The following PTPN3 variants were observed in gnomAD, a reference collection of about 807,000 sequenced individuals.
PTPN3 encodes protein tyrosine phosphatase non-receptor type 3.
A neutral mutation model predicts 132.7 loss-of-function variants in PTPN3; 96 were observed. The ratio of observed to expected loss-of-function variants is 0.72; its 90% CI spans 0.61 to 0.86. The LOEUF is 0.86. Ranked by LOEUF, PTPN3 falls within the 40% of genes least tolerant of loss-of-function variation. PTPN3 has a pLI of 0.00. For missense variants in PTPN3, 1,125 were observed against 1,159.6 expected (o/e 0.97, Z 0.43); for synonymous variants, 398 against 429.0 (o/e 0.93, Z 0.89).
the PTPN3 span, among the ~76,000 whole-genome samples, chr9:109,523,415 A>G: frequency 0.53 from 80,740 of 152,046 alleles, 22,488 homozygotes; most frequent in East Asian, 0.85. Context: ...TGCCCAGCCT[A>G]TATCATTTTT....
chr9:109,467,222 C>T lies in PTPN3; in HGVS notation c.-17-3771G>A, dbSNP rs145834865. Among the ~76,000 whole-genome samples, 1,314 of 152,018 alleles carry T rather than the reference C, an allele frequency of 8.6e-3. 66 individuals are homozygous for T. Among genetic ancestry groups the T allele is most frequent in the Admixed American group, 0.076 (1,166 of 15,282 alleles). Reference sequence around the variant, plus strand: ...TTTAACCACATTGACTTTAAAATGTCAATTTTATTTTTTAGTTCTTGTCTA... The same window carrying T: ...TTTAACCACATTGACTTTAAAATGTTAATTTTATTTTTTAGTTCTTGTCTA... On this transcript the variant is annotated intron_variant, in intron 1 of 25. Transcript: ENST00000374541.
At chr9:109,479,906 T>C (rs371024284) in intron 1 of PTPN3, among the ~76,000 whole-genome samples, 169 of 152,284 alleles carry the variant, frequency 1.1e-3, no homozygotes, top group African/African-American at 3.9e-3. Flanking sequence ...AATCAGATTG[T>C]TTTCTACAGA....
chr9:109,441,734 T>C (rs996431973), intron 7 of PTPN3, among the ~76,000 whole-genome samples: 21 of 145,992 alleles, frequency 1.4e-4, no homozygotes, highest in Admixed American at 1.4e-3. Context: ...TTGGGTACTT[T>C]ACCTGAAGAT....
chr9:109,439,647 G>A (rs1180968717), intron 7 of PTPN3, among the ~76,000 whole-genome samples: 1 of 152,224 alleles, frequency 6.6e-6, no homozygotes, highest in East Asian at 1.9e-4. Context: ...GGTAGCTCAC[G>A]CCTGTAATCC....
At chr9:109,491,726 A>G (rs781117096) in intron 1 of PTPN3, among the ~76,000 whole-genome samples, 7 of 152,198 alleles carry the variant, frequency 4.6e-5, no homozygotes, top group Non-Finnish European at 8.8e-5. Context: ...AGGTGAGCAA[A>G]GGCTCTGCAA....
chr9:109,474,142 A>G (rs1182301476), intron 1 of PTPN3, among the ~76,000 whole-genome samples: 3 of 152,074 alleles, frequency 2.0e-5, no homozygotes, highest in Non-Finnish European at 4.4e-5. Context: ...GACACTTAAG[A>G]GCCAGCAAAC....
At chr9:109,379,889 A>G (rs1365111227) in intron 25 of PTPN3, among the ~76,000 whole-genome samples, 2 of 152,192 alleles carry the variant, frequency 1.3e-5, no homozygotes, top group African/African-American at 2.4e-5. Flanking sequence ...GGAAGGAGCA[A>G]AAGTCCCTGC....
chr9:109,517,554 A>G, the PTPN3 span, among the ~76,000 whole-genome samples: 5 of 152,236 alleles, frequency 3.3e-5, no homozygotes, highest in South Asian at 6.2e-4. Context: ...TCCTACAACT[A>G]TGGATTCCCA....
intron 1 of PTPN3, among the ~76,000 whole-genome samples, chr9:109,473,353 CCTT>C: frequency 6.6e-6 from 1 of 152,244 alleles, no homozygotes; most frequent in East Asian, 1.9e-4. Context: ...TAATTACTGG[CCTT>C]CTTTTCATAC....
the PTPN3 span, chr9:109,533,607 T>C: frequency 6.5e-7 from 1 of 1,549,894 alleles, no homozygotes; most frequent in Non-Finnish European, 8.9e-7. Flanking sequence ...AATCGTGGTC[T>C]ATATCCCTGA....
the PTPN3 span, among the ~76,000 whole-genome samples, chr9:109,529,239 T>G: frequency 6.6e-6 from 1 of 152,202 alleles, no homozygotes; most frequent in East Asian, 1.9e-4. Flanking sequence ...TCAAAGTGGT[T>G]CTGAAATCTT....
At chr9:109,424,839 A>G (rs1490467806) in intron 12 of PTPN3, among the ~76,000 whole-genome samples, 1 of 152,204 alleles carries the variant, frequency 6.6e-6, no homozygotes, top group Non-Finnish European at 1.5e-5. Context: ...AAATAGGGGT[A>G]TTTTCTTGTG....
chr9:109,487,300 C>T (rs1396724111), intron 1 of PTPN3, among the ~76,000 whole-genome samples: 1 of 152,202 alleles, frequency 6.6e-6, no homozygotes, highest in East Asian at 1.9e-4. Context: ...CTGGTCTTAA[C>T]AAGTGAGCAG....
chr9:109,512,886 G>T, the PTPN3 span, among the ~76,000 whole-genome samples: 1 of 152,092 alleles, frequency 6.6e-6, no homozygotes, highest in Non-Finnish European at 1.5e-5. Context: ...TCCTTCCCCT[G>T]GTCCTTTTCC....
chr9:109,472,606 C>A (rs1444494649), intron 1 of PTPN3, among the ~76,000 whole-genome samples: 1 of 152,134 alleles, frequency 6.6e-6, no homozygotes, highest in Non-Finnish European at 1.5e-5. Flanking sequence ...CAGTTGATAA[C>A]AAAATTACTG....
chr9:109,515,400 G>A, the PTPN3 span, among the ~76,000 whole-genome samples: 1 of 152,058 alleles, frequency 6.6e-6, no homozygotes, highest in East Asian at 1.9e-4. Flanking sequence ...AGAGGTACTG[G>A]GCTACTGCTG....
chr9:109,382,763 T>C (rs891368044), intron 23 of PTPN3, among the ~76,000 whole-genome samples: 17 of 151,814 alleles, frequency 1.1e-4, no homozygotes, highest in Non-Finnish European at 2.9e-5. Flanking sequence ...TTTTTTTTTT[T>C]TTTTTCAACT....
At chr9:109,516,155 C>G in the PTPN3 span, among the ~76,000 whole-genome samples, 2 of 152,158 alleles carry the variant, frequency 1.3e-5, no homozygotes, top group East Asian at 3.9e-4. Context: ...ATGCAAGAGG[C>G]TATTACTAAT....
At chr9:109,384,180 AG>A (rs745509224) in intron 22 of PTPN3, among the ~76,000 whole-genome samples, 12 of 152,120 alleles carry the variant, frequency 7.9e-5, no homozygotes, top group Non-Finnish European at 1.0e-4. Context: ...TAGCCACTGT[AG>A]GGGGCAGGCG....
Sources: allele counts gnomAD v4.1 joint callset (sites outside exome capture counted in the v4.1 genomes callset), GRCh38; gene constraint gnomAD v4.1.1; transcripts MANE v1.5; gene names NCBI Gene and HGNC (gene_info 2026-07-23, HGNC 2026-07-21).